Variants in EPHA3 observed in about 807,000 individuals in gnomAD.
EPHA3 encodes EPH receptor A3.
EPHA3 carries 42 observed loss-of-function variants against 107.1 expected under a neutral mutation model. The ratio of observed to expected loss-of-function variants is 0.39; its 90% CI spans 0.31 to 0.51. EPHA3 has a LOEUF of 0.51. Among genes scored for constraint, EPHA3 ranks in the 20% least tolerant of loss-of-function variants. The probability of loss-of-function intolerance (pLI) is 0.78; values close to 1 mark genes in which losing one functional copy is unlikely to be tolerated. For synonymous variants in EPHA3, 461 were observed against 424.8 expected, an observed-to-expected ratio of 1.09 and a Z score of -1.05; for missense variants, 1,183 against 1,211.2, an observed-to-expected ratio of 0.98 and a Z score of 0.35.
At chr3:89,398,138 G>A (rs781237736) in intron 6 of EPHA3, among the ~76,000 whole-genome samples, 2 of 152,112 alleles carry the variant, frequency 1.3e-5, no homozygotes, top group Admixed American at 6.6e-5. Context: ...TTCGCTGATG[G>A]TGATTAACAG....
At chr3:89,383,639 C>CTTTTTTTTT (rs71621546) in intron 5 of EPHA3, among the ~76,000 whole-genome samples, 8 of 87,962 alleles carry the variant, frequency 9.1e-5, no homozygotes, top group African/African-American at 1.3e-4. Flanking sequence ...ACTTCTTCTT[C>CTTTTTTTTT]TTTTTTTTTT....
chr3:89,421,282 A>G (rs1709348364), intron 11 of EPHA3, among the ~76,000 whole-genome samples: 1 of 151,346 alleles, frequency 6.6e-6, no homozygotes, highest in Non-Finnish European at 1.5e-5. Flanking sequence ...ATCCTGGATC[A>G]TAATAGATAC....
chr3:89,399,614 T>A (rs1708917325), intron 7 of EPHA3, 134 bp downstream of exon 7: 1 of 1,403,314 alleles, frequency 7.1e-7, no homozygotes, highest in South Asian at 1.8e-5. Flanking sequence ...GACATTGCAA[T>A]TTGCAGAGCC....
intron 2 of EPHA3, among the ~76,000 whole-genome samples, chr3:89,132,934 T>A (rs1704236204): frequency 6.6e-6 from 1 of 152,090 alleles, no homozygotes; most frequent in Non-Finnish European, 1.5e-5. Context: ...TGTCTTCACC[T>A]CTAAAAAAAG....
intron 2 of EPHA3, among the ~76,000 whole-genome samples, chr3:89,133,216 C>G (rs1026513830): frequency 1.3e-5 from 2 of 152,130 alleles, no homozygotes; most frequent in African/African-American, 4.8e-5. Context: ...TGTGTGAAGT[C>G]TCAGCAGGCA....
At chr3:89,399,101 G>T (rs1457044360) in intron 6 of EPHA3, among the ~76,000 whole-genome samples, 3 of 151,468 alleles carry the variant, frequency 2.0e-5, no homozygotes, top group Non-Finnish European at 4.4e-5. Flanking sequence ...CTGCACTCCA[G>T]CCTGGTGACA....
chr3:89,324,666 A>G (rs964436582), intron 3 of EPHA3, among the ~76,000 whole-genome samples: 4 of 152,156 alleles, frequency 2.6e-5, no homozygotes, highest in Admixed American at 6.5e-5. Context: ...ATCACTACAC[A>G]TAATTACCAA....
At chr3:89,217,399 T>TA (rs1359557119) in intron 3 of EPHA3, among the ~76,000 whole-genome samples, 1 of 151,754 alleles carries the variant, frequency 6.6e-6, no homozygotes, top group African/African-American at 2.4e-5. Flanking sequence ...CCAGGGTCGT[T>TA]AAAAAAACAA....
At chr3:89,472,679 C>T (rs1426068774) in intron 16 of EPHA3, 60 bp downstream of exon 16, 49 of 895,802 alleles carry the variant, frequency 5.5e-5, no homozygotes, top group Non-Finnish European at 6.4e-5. Context: ...CTTGGCTTGA[C>T]ATGAAAGATT....
intron 2 of EPHA3, among the ~76,000 whole-genome samples, chr3:89,205,842 C>A (rs1706088476): frequency 1.3e-5 from 2 of 151,354 alleles, no homozygotes; most frequent in East Asian, 3.9e-4. Flanking sequence ...ATTTCTTTAG[C>A]AGGATAGAAT....
chr3:89,170,948 T>TTG (rs1367987194), intron 2 of EPHA3, among the ~76,000 whole-genome samples: 1 of 151,780 alleles, frequency 6.6e-6, no homozygotes, highest in Non-Finnish European at 1.5e-5. Context: ...CCATTTTTTT[T>TTG]TTTTTTAAGA....
At chr3:89,435,119 G>A (rs1388820642) in intron 13 of EPHA3, among the ~76,000 whole-genome samples, 3 of 152,014 alleles carry the variant, frequency 2.0e-5, no homozygotes, top group Admixed American at 6.6e-5. Flanking sequence ...ACAGCTAAAT[G>A]AGGCAGCATT....
At chr3:89,151,072 AATAAGAGAT>A (rs1704680759) in intron 2 of EPHA3, among the ~76,000 whole-genome samples, 1 of 152,098 alleles carries the variant, frequency 6.6e-6, no homozygotes, top group Non-Finnish European at 1.5e-5. Flanking sequence ...TAAGTCTGAT[AATAAGAGAT>A]ATATTATGAA....
intron 2 of EPHA3, among the ~76,000 whole-genome samples, chr3:89,168,763 AT>A: frequency 6.6e-6 from 1 of 152,172 alleles, no homozygotes; most frequent in Admixed American, 6.5e-5. Flanking sequence ...TTGAGTTCCT[AT>A]TGCTAGGAAA....
chr3:89,199,472 T>C (rs1198053019), intron 2 of EPHA3, among the ~76,000 whole-genome samples: 7 of 151,680 alleles, frequency 4.6e-5, no homozygotes, highest in Non-Finnish European at 1.5e-5. Context: ...TTGACAATGG[T>C]GAATTATATG....
At chr3:89,211,399 T>C (rs60157597) in intron 3 of EPHA3, among the ~76,000 whole-genome samples, 6,330 of 152,116 alleles carry the variant, frequency 0.042, 424 homozygotes, top group African/African-American at 0.14. Flanking sequence ...AAATTGTTAC[T>C]CAAATTTTAA....
chr3:89,300,022 AAAC>A (rs1272950155), intron 3 of EPHA3, among the ~76,000 whole-genome samples: 4 of 152,018 alleles, frequency 2.6e-5, no homozygotes, highest in African/African-American at 7.2e-5. Context: ...TAAGCCAAAT[AAAC>A]AACAACAAAA....
intron 3 of EPHA3, among the ~76,000 whole-genome samples, chr3:89,270,858 T>C (rs1442926877): frequency 1.3e-5 from 2 of 152,116 alleles, no homozygotes; most frequent in Admixed American, 6.6e-5. Context: ...AAGAAAAAGT[T>C]ATTAAGAAAA....
intron 11 of EPHA3, among the ~76,000 whole-genome samples, chr3:89,426,603 C>T (rs1243923552): frequency 6.6e-6 from 1 of 151,674 alleles, no homozygotes; most frequent in African/African-American, 2.4e-5. Flanking sequence ...TTTTATTTCC[C>T]TTCCCAAACA....
Sources: allele counts gnomAD v4.1 joint callset (sites outside exome capture counted in the v4.1 genomes callset), GRCh38; gene constraint gnomAD v4.1.1; transcripts MANE v1.5; gene names NCBI Gene and HGNC (gene_info 2026-07-23, HGNC 2026-07-21).